The following FAM13B variants were observed in gnomAD, a reference collection of about 807,000 sequenced individuals.
FAM13B encodes protein FAM13B.
Under a neutral mutation model 117.3 loss-of-function variants are expected in FAM13B, and 60 were observed. The ratio of observed to expected loss-of-function variants is 0.51; its 90% CI spans 0.42 to 0.63. The LOEUF is 0.63. FAM13B is among the 30% of genes least tolerant of loss of function. FAM13B has a pLI of 0.00. For synonymous variants in FAM13B, 332 were observed against 356.1 expected, an observed-to-expected ratio of 0.93 and a Z score of 0.76; for missense variants, 972 against 1,091.9, an observed-to-expected ratio of 0.89 and a Z score of 1.55.
Position 137,939,973 on chromosome 5 carries a change from A to G in FAM13B, c.*252T>C. On this transcript the variant is annotated 3_prime_UTR_variant, in exon 24 of 24. Transcript: ENST00000689681. ...AAAGGATGTATCTGTAGTACAAAACAATGAAGTAAACCATATGTTTGCTAA... is the reference window on the plus strand; with the variant it reads ...AAAGGATGTATCTGTAGTACAAAACGATGAAGTAAACCATATGTTTGCTAA... The G allele has an allele frequency of 6.5e-7, 1 of 1,527,188 alleles. No individual in the cohort carries two copies. The highest frequency in any genetic ancestry group is 2.2e-5 in the Admixed American group (1 of 45,892). The allele number at this position is 1,527,188 out of a possible 1,614,324, so 94.6% of individuals were successfully genotyped here.
intron 23 of FAM13B, 161 bp from the exon 24 acceptor site, chr5:137,940,509 C>T: frequency 1.8e-6 from 1 of 567,402 alleles, no homozygotes. Context: ...TACCCTCATC[C>T]CCAAGGAACA....
intron 1 of FAM13B, among the ~76,000 whole-genome samples, chr5:138,046,157 T>G (rs1791635700): frequency 6.6e-6 from 1 of 152,168 alleles, no homozygotes; most frequent in Non-Finnish European, 1.5e-5. Flanking sequence ...ACAAGCTCTC[T>G]CTTTGCTTGC....
At chr5:138,045,607 A>G (rs531017826) in intron 1 of FAM13B, among the ~76,000 whole-genome samples, 2 of 152,312 alleles carry the variant, frequency 1.3e-5, no homozygotes, top group South Asian at 4.1e-4. Context: ...ATAGCAATAA[A>G]GAAGGTAAAT....
Position 138,021,135 on chromosome 5 carries a change from A to C in FAM13B, c.-140T>G. 4 of 1,231,704 alleles carry C rather than the reference A, an allele frequency of 3.2e-6. No individual in the cohort carries two copies. The highest frequency in any genetic ancestry group is 4.0e-6 in the Non-Finnish European group (4 of 987,938). 76.3% of individuals were successfully genotyped at this position (1,231,704 alleles called of 1,614,324 possible). On this transcript the variant is annotated 5_prime_UTR_variant, in exon 2 of 24. Coordinates refer to ENST00000689681, the MANE Select transcript of FAM13B (RefSeq NM_001385994.1). Reference sequence around the variant, plus strand: ...TTATGGCTGTTTGAGATTATGGCAGAAGATCAGCCTGTAGTTCCTCATTGA... The same window carrying C: ...TTATGGCTGTTTGAGATTATGGCAGCAGATCAGCCTGTAGTTCCTCATTGA...
At chr5:138,036,847 G>A, upstream of FAM13B, 1 of 324,730 alleles carries the variant, frequency 3.1e-6, no homozygotes, top group Non-Finnish European at 6.0e-6. Context: ...GACATTTTTG[G>A]TTTTTTTTTA....
Position 138,022,310 on chromosome 5 carries a change from T to C in FAM13B, c.-202-1113A>G, listed in dbSNP as rs370053024. On this transcript the variant is annotated intron_variant, in intron 1 of 23. Coordinates refer to ENST00000689681, the MANE Select transcript of FAM13B (RefSeq NM_001385994.1). ...TGTTTAATATTTGGTCTCATCATCCTTTGTGAATTCTAATGGTATCATTAT... is the reference window on the plus strand; with the variant it reads ...TGTTTAATATTTGGTCTCATCATCCCTTGTGAATTCTAATGGTATCATTAT... Among the ~76,000 whole-genome samples, 99 of 152,354 alleles carry C rather than the reference T, an allele frequency of 6.5e-4. 2 individuals carry two copies. The East Asian group carries it at 0.016, about 25-fold the overall frequency.
intron 20 of FAM13B, among the ~76,000 whole-genome samples, chr5:137,945,211 G>A (rs1361397913): frequency 6.6e-6 from 1 of 152,156 alleles, no homozygotes; most frequent in Non-Finnish European, 1.5e-5. Flanking sequence ...AAACCAGAAG[G>A]TTCAGTGAAT....
intron 1 of FAM13B, among the ~76,000 whole-genome samples, chr5:138,030,894 G>A (rs555959611): frequency 1.1e-4 from 16 of 152,026 alleles, no homozygotes; most frequent in African/African-American, 3.4e-4. Context: ...TTAGTCAGGC[G>A]CAGTGGCAAG....
At chr5:137,975,980 C>CTTTTTTTTTTTTT (rs57478594) in intron 10 of FAM13B, among the ~76,000 whole-genome samples, 1,143 of 110,076 alleles carry the variant, frequency 0.01, 109 homozygotes, top group African/African-American at 0.036. Flanking sequence ...TCAACTCTTC[C>CTTTTTTTTTTTTT]TTTTTTTTTT....
intron 10 of FAM13B, among the ~76,000 whole-genome samples, chr5:137,970,081 C>A (rs1020542307): frequency 2.6e-5 from 4 of 151,972 alleles, no homozygotes; most frequent in African/African-American, 9.7e-5. Flanking sequence ...CAAGGCAGGC[C>A]AACGTTCAGA....
chr5:137,973,196 T>G (rs1404453362), intron 10 of FAM13B, among the ~76,000 whole-genome samples: 2 of 152,186 alleles, frequency 1.3e-5, no homozygotes, highest in African/African-American at 4.8e-5. Context: ...TCACACTACC[T>G]GACTTCAAAC....
intron 12 of FAM13B, among the ~76,000 whole-genome samples, 155 bp from the exon 13 acceptor site, chr5:137,959,918 A>G (rs1439405839): frequency 6.6e-6 from 1 of 152,240 alleles, no homozygotes; most frequent in Non-Finnish European, 1.5e-5. Context: ...ATTTTCAAAT[A>G]TAAACATGCA....
intron 1 of FAM13B, among the ~76,000 whole-genome samples, chr5:138,028,819 G>C (rs1008298259): frequency 2.0e-5 from 3 of 152,206 alleles, no homozygotes; most frequent in African/African-American, 7.2e-5. Context: ...AGGAGTTTGA[G>C]ACCAGCGTGG....
chr5:137,948,370 T>C (rs1764005990), intron 18 of FAM13B, among the ~76,000 whole-genome samples: 1 of 152,100 alleles, frequency 6.6e-6, no homozygotes, highest in Non-Finnish European at 1.5e-5. Flanking sequence ...AAGGACAGGA[T>C]TCAAGCTAAG....
chr5:137,989,743 G>A (rs1373605061), intron 7 of FAM13B, among the ~76,000 whole-genome samples: 2 of 152,110 alleles, frequency 1.3e-5, no homozygotes, highest in Admixed American at 6.5e-5. Flanking sequence ...CAGGAAGATC[G>A]CTTGAGCCCA....
intron 13 of FAM13B, among the ~76,000 whole-genome samples, chr5:137,958,357 T>A (rs1767168059): frequency 1.3e-5 from 2 of 151,868 alleles, no homozygotes; most frequent in South Asian, 4.1e-4. Context: ...CATCTAGACC[T>A]ATATAAAAAG....
intron 13 of FAM13B, 79 bp downstream of exon 13, chr5:137,959,537 C>G (rs1253231402): frequency 7.0e-7 from 1 of 1,430,996 alleles, no homozygotes; most frequent in Non-Finnish European, 9.8e-7. Context: ...CAGAAAAGGG[C>G]TGTAGTCTTA....
intron 10 of FAM13B, among the ~76,000 whole-genome samples, chr5:137,973,705 T>C (rs1459827653): frequency 2.0e-5 from 3 of 149,190 alleles, no homozygotes; most frequent in Non-Finnish European, 3.0e-5. Flanking sequence ...AACCTACTCA[T>C]CTGACAAAGG....
chr5:138,041,105 A>G (rs1791489718), intron 1 of FAM13B, among the ~76,000 whole-genome samples: 1 of 151,992 alleles, frequency 6.6e-6, no homozygotes, highest in Admixed American at 6.6e-5. Context: ...ACTAATCTTC[A>G]AAGAAAAGAT....
Sources: gnomAD v4.1 joint callset for allele counts (sites outside exome capture counted in the v4.1 genomes callset) on GRCh38, gnomAD v4.1.1 for gene constraint, MANE v1.5 for transcripts, NCBI Gene and HGNC (gene_info 2026-07-23, HGNC 2026-07-21) for gene names.